The following PHOSPHO1 variants were observed in gnomAD, a reference collection of about 807,000 sequenced individuals.
PHOSPHO1 encodes the protein phosphoethanolamine/phosphocholine phosphatase.
PHOSPHO1 carries 6 observed loss-of-function variants against 17.7 expected under a neutral mutation model. The observed-to-expected ratio is 0.34, with a 90% CI of 0.19 to 0.67. The LOEUF (loss-of-function observed/expected upper bound fraction) is 0.67, where lower values mean the gene tolerates loss of function less well. PHOSPHO1 is among the 30% of genes least tolerant of loss of function. The probability of loss-of-function intolerance (pLI) is 0.69; values close to 1 mark genes in which losing one functional copy is unlikely to be tolerated. For missense variants in PHOSPHO1, 330 were observed against 392.1 expected (o/e 0.84, Z 1.34); for synonymous variants, 159 against 174.6 (o/e 0.91, Z 0.71).
Position 49,223,952 on chromosome 17 carries a change from A to C in PHOSPHO1, c.*294T>G. 3.0e-6 allele frequency: 1 copy of C among 335,140 alleles called. No individual in the cohort carries two copies. The highest frequency in any genetic ancestry group is 5.4e-6 in the Non-Finnish European group (1 of 186,056). 20.8% of individuals were successfully genotyped at this position (335,140 alleles called of 1,614,324 possible). ...GGGGGGCCCCTTCCTCCCAGTTGGGAGGACCAGGAAATACTGCTGCCTTCC... is the reference window on the plus strand; with the variant it reads ...GGGGGGCCCCTTCCTCCCAGTTGGGCGGACCAGGAAATACTGCTGCCTTCC... On this transcript the variant is annotated 3_prime_UTR_variant, in exon 3 of 3. Transcript: ENST00000310544.
chr17:49,228,297 CTCCTTCCT>C (rs140670610), intron 1 of PHOSPHO1, among the ~76,000 whole-genome samples: 90 of 60,596 alleles, frequency 1.5e-3, no homozygotes, highest in Admixed American at 5.6e-3. Context: ...TCCTTCCTTC[CTCCTTCCT>C]TCCTTCCTTC....
Position 49,224,021 on chromosome 17 carries a change from A to G in PHOSPHO1, c.*225T>C, listed in dbSNP as rs1358940151. ...CGCGATGGGTCAGACTCCAGAACTC[A>G]ACCGTGCACAGTGGAGTGGGGGAGG... is the stretch of plus-strand genomic sequence containing the variant. On this transcript the variant is annotated 3_prime_UTR_variant, in exon 3 of 3. Transcript: ENST00000310544. 7.0e-6 allele frequency: 4 copies of G among 574,738 alleles called. No homozygotes were observed. Among genetic ancestry groups the G allele is most frequent in the Non-Finnish European group, 1.1e-5 (4 of 355,872 alleles). The allele number at this position is 574,738 out of a possible 1,614,324, so 35.6% of individuals were successfully genotyped here.
At position 49,224,395 on chromosome 17, in the gene PHOSPHO1, C is replaced by G; in HGVS notation, c.655G>C (p.Val219Leu). 6.5e-7 allele frequency: 1 copy of G among 1,545,210 alleles called. No individual in the cohort carries two copies. The highest frequency in any genetic ancestry group is 8.7e-7 in the Non-Finnish European group (1 of 1,148,340). Residue 219 changes from valine to leucine, a missense_variant, in exon 3 of 3, where the codon GTG (valine) becomes CTG (leucine). Physicochemically the swap from Val to Leu is conservative, Grantham distance 32. Coordinates refer to ENST00000310544, the MANE Select transcript of PHOSPHO1 (RefSeq NM_178500.4). ...CPMGLLAGGD[V>L]AFPRRGYPMH... Reference sequence around the variant, plus strand: ...GGGTAGCCGCGGCGCGGGAAGGCCACGTCGCCGCCCGCCAGCAGCCCCATG... The same window carrying G: ...GGGTAGCCGCGGCGCGGGAAGGCCAGGTCGCCGCCCGCCAGCAGCCCCATG...
chr17:49,225,542 C>A, intron 2 of PHOSPHO1: 5 of 1,225,236 alleles, frequency 4.1e-6, no homozygotes, highest in Non-Finnish European at 5.2e-6. Context: ...GAATCTATGG[C>A]TCTCTGGGAG....
Position 49,224,810 on chromosome 17 carries a change from G to T in PHOSPHO1, c.240C>A (p.Gly80=). ...EYMQRVFKYL[G]EQGVRPRDLS... ...GGTCCCGCGGCCGCACGCCCTGCTC[G>T]CCCAGGTACTTGAAGACGCGCTGCA... Residue 80 remains glycine (G), a synonymous_variant, in exon 3 of 3, where the codon GGC becomes GGA. Coordinates refer to ENST00000310544, the MANE Select transcript of PHOSPHO1 (RefSeq NM_178500.4). 6.2e-7 allele frequency: 1 copy of T among 1,601,324 alleles called. No individual in the cohort carries two copies. The highest frequency in any genetic ancestry group is 1.7e-5 in the Admixed American group (1 of 58,064).
rs1312087281 is a variant in PHOSPHO1, at chr17:49,223,852, A to G, written c.*394T>C. The G allele has an allele frequency of 1.1e-4, 20 of 184,866 alleles. No individual in the cohort carries two copies. The highest frequency in any genetic ancestry group is 2.0e-4 in the Non-Finnish European group (18 of 89,898). 11.5% of individuals were successfully genotyped at this position (184,866 alleles called of 1,614,324 possible). A position where few individuals can be genotyped will look rare whatever the true frequency, so the allele number is the denominator to read the frequency against. Reference sequence around the variant, plus strand: ...GGATCCTGGGTTCCCTCCACAGTAGACTGGAGGAGGGGCGGTCACGCAGCC... The same window carrying G: ...GGATCCTGGGTTCCCTCCACAGTAGGCTGGAGGAGGGGCGGTCACGCAGCC... On this transcript the variant is annotated 3_prime_UTR_variant, in exon 3 of 3. Transcript: ENST00000310544.
chr17:49,225,061 G>A, intron 2 of PHOSPHO1, 57 bp from the exon 3 acceptor site: 1 of 1,447,562 alleles, frequency 6.9e-7, no homozygotes, highest in South Asian at 1.5e-5. Context: ...AGCGAGAGGG[G>A]GCGCGGCAGG....
At chr17:49,226,296 G>C (rs1034804387) in intron 2 of PHOSPHO1, among the ~76,000 whole-genome samples, 1 of 152,006 alleles carries the variant, frequency 6.6e-6, no homozygotes, top group African/African-American at 2.4e-5. Context: ...TTATGGCCTG[G>C]CACACCTTGT....
intron 1 of PHOSPHO1, among the ~76,000 whole-genome samples, chr17:49,229,762 G>A (rs1319223672): frequency 6.6e-6 from 1 of 152,144 alleles, no homozygotes; most frequent in African/African-American, 2.4e-5. Context: ...TTCCCAGACA[G>A]TGCTCCCAAA....
chr17:49,228,290 TTCCTTCCTCC>T (rs2043378704), intron 1 of PHOSPHO1, among the ~76,000 whole-genome samples: 1 of 66,962 alleles, frequency 1.5e-5, no homozygotes. Context: ...CCTTCCTTCC[TTCCTTCCTCC>T]TTCCTTCCTT....
Position 49,224,076 on chromosome 17 carries a change from G to A in PHOSPHO1, c.*170C>T. On this transcript the variant is annotated 3_prime_UTR_variant, in exon 3 of 3. Coordinates refer to ENST00000310544, the MANE Select transcript of PHOSPHO1 (RefSeq NM_178500.4). The stretch of plus-strand genomic sequence containing the variant: ...CGAGGTGGGTTAACTGAATAGATAG[G>A]GACGGCTCTGAGCCCCCTTCCCCAA... The A allele has an allele frequency of 9.9e-7, 1 of 1,010,412 alleles. No homozygotes were observed. The highest frequency in any genetic ancestry group is 2.7e-5 in the East Asian group (1 of 37,616). The allele number at this position is 1,010,412 out of a possible 1,614,324, so 62.6% of individuals were successfully genotyped here. A position where few individuals can be genotyped will look rare whatever the true frequency, so the allele number is the denominator to read the frequency against.
intron 1 of PHOSPHO1, among the ~76,000 whole-genome samples, chr17:49,228,787 C>CAAAAAA (rs71144585): frequency 2.5e-5 from 2 of 78,810 alleles, no homozygotes; most frequent in African/African-American, 1.0e-4. Context: ...GACTCCGTCT[C>CAAAAAA]AAAAAAAAAA....
chr17:49,224,857 C>T lies in PHOSPHO1; in HGVS notation c.193G>A (p.Glu65Lys). Residue 65 changes from glutamate (E) to lysine (K), a missense_variant, in exon 3 of 3, where the codon GAG (glutamate) becomes AAG (lysine). Coordinates refer to ENST00000310544, the MANE Select transcript of PHOSPHO1 (RefSeq NM_178500.4). ...TGCATGTACTCGTTGTAGAAGCCCT[C>T]GCGGTAGGTGGCTCGCAGGCTCTCC... ...LPESLRATYR[E>K]GFYNEYMQRV... 6.2e-7 allele frequency: 1 copy of T among 1,607,090 alleles called. No individual in the cohort carries two copies. Among genetic ancestry groups the T allele is most frequent in the Non-Finnish European group, 8.5e-7 (1 of 1,177,216 alleles).
intron 2 of PHOSPHO1, chr17:49,225,737 C>T: frequency 7.8e-7 from 1 of 1,284,990 alleles, no homozygotes; most frequent in Non-Finnish European, 1.0e-6. Context: ...AGCAGTGGGG[C>T]TTGGGGAGGT....
Position 49,224,741 on chromosome 17 carries a change from G to T in PHOSPHO1, c.309C>A (p.Ser103Arg). The change falls in exon 3 of 3, where the codon AGC (serine) becomes AGA (arginine). Residue 103 changes from serine (S) to arginine (R), a missense_variant. By Grantham distance (110) the Ser-to-Arg change is moderately radical. Coordinates refer to ENST00000310544, the MANE Select transcript of PHOSPHO1 (RefSeq NM_178500.4). ...GTTTTGCCACAAACTGCAGCAGGTC[G>T]CTCATGCCTGGCGACAAAGGGATGG... The part of the protein sequence containing the change: ...YEAIPLSPGM[S>R]DLLQFVAKQG... The T allele has an allele frequency of 6.3e-7, 1 of 1,598,954 alleles. No homozygotes were observed.
chr17:49,229,385 G>C (rs2043391445), intron 1 of PHOSPHO1, among the ~76,000 whole-genome samples: 1 of 152,134 alleles, frequency 6.6e-6, no homozygotes, highest in Non-Finnish European at 1.5e-5. Flanking sequence ...GGGTTGCAGG[G>C]AGTCCATATT....
chr17:49,226,571 A>G, intron 2 of PHOSPHO1, 76 bp downstream of exon 2: 1 of 1,482,140 alleles, frequency 6.7e-7, no homozygotes, highest in Non-Finnish European at 9.4e-7. Flanking sequence ...GGCCTCTCCC[A>G]AGGCCCTATG....
intron 1 of PHOSPHO1, among the ~76,000 whole-genome samples, chr17:49,229,636 G>A (rs1207794279): frequency 1.3e-5 from 2 of 152,092 alleles, no homozygotes; most frequent in Non-Finnish European, 1.5e-5. Flanking sequence ...GAATGAGGAT[G>A]GGGAGGCGAG....
Position 49,224,332 on chromosome 17 carries a change from G to A in PHOSPHO1, c.718C>T (p.Pro240Ser), listed in dbSNP as rs775247603. The change falls in exon 3 of 3, where the codon CCC (proline) becomes TCC (serine). Residue 240 changes from proline to serine, a missense_variant. Pro to Ser is a moderately conservative substitution (Grantham distance 74). Transcript: ENST00000310544. The part of the protein sequence containing the change: ...RLIQEAQKAE[P>S]SSFRASVVPW... ...ACCACGCTGGCGCGGAACGAGCTGG[G>A]CTCGGCCTTCTGGGCCTCCTGAATG... The A allele has an allele frequency of 1.3e-5, 20 of 1,586,654 alleles. No individual in the cohort carries two copies. The highest frequency in any genetic ancestry group is 1.5e-5 in the Non-Finnish European group (17 of 1,170,126).
Sources: allele counts gnomAD v4.1 joint callset (sites outside exome capture counted in the v4.1 genomes callset), GRCh38; gene constraint gnomAD v4.1.1; transcripts MANE v1.5; gene names NCBI Gene and HGNC (gene_info 2026-07-23, HGNC 2026-07-21).